Variants in ERICH1 observed in about 807,000 individuals in gnomAD.
ERICH1 encodes the protein glutamate-rich protein 1.
ERICH1 carries 56 observed loss-of-function variants against 39.6 expected under a neutral mutation model. That is an observed-to-expected ratio of 1.41 (90% CI 1.14 to 1.77). The LOEUF is 1.77. Ranked by LOEUF, ERICH1 falls within the 40% of genes most tolerant of loss-of-function variation. ERICH1 has a pLI of 0.00. For missense variants in ERICH1, 826 were observed against 575.4 expected (o/e 1.44, Z -4.45); for synonymous variants, 313 against 223.6 (o/e 1.40, Z -3.57).
chr8:615,634 C>T (rs929173406), intron 3 of ERICH1: 2 of 199,588 alleles, frequency 1.0e-5, no homozygotes, highest in African/African-American at 4.6e-5. Flanking sequence ...TCTGACCCTT[C>T]ACCATTGGAA....
intron 3 of ERICH1, among the ~76,000 whole-genome samples, chr8:624,293 A>G (rs558919157): frequency 6.6e-6 from 1 of 152,336 alleles, no homozygotes; most frequent in Non-Finnish European, 1.5e-5. Context: ...TGAGGAACCA[A>G]GGAAATGCAT....
chr8:682,248 A>G (rs1806300980), intron 3 of ERICH1, among the ~76,000 whole-genome samples: 1 of 152,136 alleles, frequency 6.6e-6, no homozygotes, highest in Non-Finnish European at 1.5e-5. Context: ...GTCTCATCTG[A>G]GGGGTCTGCC....
intron 2 of ERICH1, among the ~76,000 whole-genome samples, chr8:693,273 T>C (rs1809351524): frequency 1.3e-5 from 2 of 152,106 alleles, no homozygotes; most frequent in Admixed American, 1.3e-4. Context: ...CACACATACA[T>C]CTTCAGGAGA....
In ERICH1 at chr8:701,290, G is replaced by A. The variant is rs570826536; in HGVS notation, c.170-8678C>T. Among the ~76,000 whole-genome samples the A allele has an allele frequency of 1.9e-3, 293 of 151,644 alleles. 1 individual carries two copies. Among genetic ancestry groups the A allele is most frequent in the South Asian group, 6.3e-3 (30 of 4,778 alleles). ...GCCGTACCCACGGGTCTGCCCCGCCGGACGGGAGCACGCCATACCTACGGG... is the reference window on the plus strand; with the variant it reads ...GCCGTACCCACGGGTCTGCCCCGCCAGACGGGAGCACGCCATACCTACGGG... On this transcript the variant is annotated intron_variant, in intron 2 of 5. Transcript: ENST00000262109.
chr8:670,212 C>G (rs1197916344), intron 4 of ERICH1, among the ~76,000 whole-genome samples: 1 of 152,216 alleles, frequency 6.6e-6, no homozygotes, highest in Non-Finnish European at 1.5e-5. Flanking sequence ...CCTAAAATTT[C>G]CATTTGATTA....
intron 3 of ERICH1, among the ~76,000 whole-genome samples, chr8:689,638 C>T (rs1808449561): frequency 6.6e-6 from 1 of 152,198 alleles, no homozygotes; most frequent in African/African-American, 2.4e-5. Context: ...GCACTGCGGA[C>T]ATTTTCTTCT....
chr8:682,088 G>T (rs1214216595), intron 3 of ERICH1, among the ~76,000 whole-genome samples: 2 of 89,606 alleles, frequency 2.2e-5, no homozygotes, highest in South Asian at 7.8e-4. Context: ...AGTAGGTCTT[G>T]AGCCCAGTCT....
chr8:693,028 C>T (rs754723943), intron 2 of ERICH1, among the ~76,000 whole-genome samples: 1 of 152,182 alleles, frequency 6.6e-6, no homozygotes. Context: ...TTTCTCCACA[C>T]GTGCTAACAA....
intron 4 of ERICH1, among the ~76,000 whole-genome samples, chr8:672,763 G>A (rs1803719115): frequency 6.6e-6 from 1 of 152,180 alleles, no homozygotes; most frequent in East Asian, 1.9e-4. Context: ...TCTTATGTCA[G>A]TACAAACAAC....
At chr8:716,136 T>A (rs753245720) in intron 1 of ERICH1, 129 bp from the exon 2 acceptor site, 13 of 1,168,960 alleles carry the variant, frequency 1.1e-5, no homozygotes, top group African/African-American at 1.6e-5. Context: ...CCCAAGTCCC[T>A]GGTCCTCCCA....
At chr8:708,527 T>C (rs956646029) in intron 2 of ERICH1, among the ~76,000 whole-genome samples, 3 of 152,088 alleles carry the variant, frequency 2.0e-5, no homozygotes, top group Non-Finnish European at 4.4e-5. Context: ...AAAATTATGC[T>C]ACATGAAAAA....
At position 668,700 on chromosome 8, in the gene ERICH1, C is replaced by G. The variant is rs141539093; in HGVS notation, c.1156G>C (p.Val386Leu). Residue 386 changes from valine to leucine, a missense_variant, in exon 5 of 6, where the codon GTG becomes CTG. Val to Leu is a conservative substitution (Grantham distance 32). Transcript: ENST00000262109. ...GTTTTCATGTGGTACAGGATGGACA[C>G]GTCTGAGGGCAGCATGCTGTGTGAC... ...LASHSMLPSD[V>L]SILYHMKTLL... The G allele has an allele frequency of 6.2e-6, 10 of 1,613,948 alleles. No homozygotes were observed. In the African/African-American group the frequency reaches 1.1e-4, roughly 17 times the overall value.
Position 674,023 on chromosome 8 carries a change from T to C in ERICH1, c.329A>G (p.Lys110Arg). 3 of 1,567,162 alleles carry C rather than the reference T, an allele frequency of 1.9e-6. No individual in the cohort carries two copies. Among genetic ancestry groups the C allele is most frequent in the Non-Finnish European group, 2.6e-6 (3 of 1,169,616 alleles). The change falls in exon 4 of 6, where the codon AAG becomes AGG. Residue 110 changes from lysine to arginine, a missense_variant. Coordinates refer to ENST00000262109, the MANE Select transcript of ERICH1 (RefSeq NM_207332.3). ...TEDQDPHDQP[K>R]RRRIRKHKSK... Reference sequence around the variant, plus strand: ...TTTATGCTTCCTAATTCTTCTTCTCTTTGGCTGGTCATGAGGATCCTGATC... The same window carrying C: ...TTTATGCTTCCTAATTCTTCTTCTCCTTGGCTGGTCATGAGGATCCTGATC...
rs1168882066 is a variant in ERICH1 at position 649,390 on chromosome 8, A to G, written c.976+19208T>C. ...AGTTTGCAGAAGGGCTTTTACGCTCACAGTGTGGTTAAACTGGCTTCTCGG... is the reference window on the plus strand; with the variant it reads ...AGTTTGCAGAAGGGCTTTTACGCTCGCAGTGTGGTTAAACTGGCTTCTCGG... On this transcript the variant is annotated intron_variant, in intron 3 of 3. Transcript: ENST00000522706. Among the ~76,000 whole-genome samples the G allele has an allele frequency of 1.3e-4, 2 of 15,152 alleles. 1 individual carries two copies. The highest frequency in any genetic ancestry group is 2.0e-3 in the East Asian group (2 of 1,018). The allele number at this position is 15,152 out of a possible 152,430, so 9.9% of individuals were successfully genotyped here.
At chr8:726,938 A>T (rs1044940335) in intron 1 of ERICH1, among the ~76,000 whole-genome samples, 1 of 150,800 alleles carries the variant, frequency 6.6e-6, no homozygotes, top group Non-Finnish European at 1.5e-5. Context: ...AAACACACAT[A>T]CATACACCAC....
intron 3 of ERICH1, chr8:686,862 A>G (rs1430085766): frequency 1.3e-5 from 2 of 152,282 alleles, no homozygotes; most frequent in African/African-American, 2.4e-5. Context: ...TCTCATATCA[A>G]TAAATCAGCG....
At chr8:633,645 C>T (rs1282139657) in intron 3 of ERICH1, among the ~76,000 whole-genome samples, 1 of 152,270 alleles carries the variant, frequency 6.6e-6, no homozygotes, top group Admixed American at 6.5e-5. Flanking sequence ...ACTGCCAAGC[C>T]ACAGGAATGA....
chr8:721,355 G>A (rs1226277111), intron 1 of ERICH1, among the ~76,000 whole-genome samples: 1 of 152,174 alleles, frequency 6.6e-6, no homozygotes, highest in African/African-American at 2.4e-5. Flanking sequence ...AGCTAATATT[G>A]CTGGCAGATT....
intron 3 of ERICH1, among the ~76,000 whole-genome samples, chr8:643,754 G>A (rs1799282897): frequency 6.6e-6 from 1 of 152,202 alleles, no homozygotes; most frequent in South Asian, 2.1e-4. Flanking sequence ...CGGCTCCTCA[G>A]GGCTTCTGGA....
Sources: gnomAD v4.1 joint callset for allele counts (sites outside exome capture counted in the v4.1 genomes callset) on GRCh38, gnomAD v4.1.1 for gene constraint, MANE v1.5 for transcripts, NCBI Gene and HGNC (gene_info 2026-07-23, HGNC 2026-07-21) for gene names.